Variants in TRAPPC2L observed in about 807,000 individuals in gnomAD.
TRAPPC2L encodes the protein trafficking protein particle complex subunit 2L.
TRAPPC2L carries 17 observed loss-of-function variants against 13.2 expected under a neutral mutation model. The observed-to-expected ratio is 1.29, with a 90% confidence interval of 0.88 to 1.93. The LOEUF (loss-of-function observed/expected upper bound fraction) is 1.93. Ranked by LOEUF, TRAPPC2L falls within the 30% of genes most tolerant of loss-of-function variation. The pLI, the probability that TRAPPC2L is intolerant of heterozygous loss-of-function variation, is 0.00. For synonymous variants in TRAPPC2L, 150 were observed against 98.1 expected (o/e 1.53, Z -3.12); for missense variants, 359 against 252.1 (o/e 1.42, Z -2.87).
At chr16:88,859,347 A>G in intron 2 of TRAPPC2L, 1 of 679,360 alleles carries the variant, frequency 1.5e-6, no homozygotes, top group Admixed American at 2.0e-5. Flanking sequence ...TTTTGCAGTT[A>G]ACTTTCCGGG....
In TRAPPC2L at chr16:88,860,340, T is replaced by G. The variant is rs532378704; in HGVS notation, c.*16T>G. 791 of 681,144 alleles carry G rather than the reference T, an allele frequency of 1.2e-3. 14 individuals are homozygous for G. The highest frequency in any genetic ancestry group is 0.011 in the South Asian group (716 of 64,638). The allele number at this position is 681,144 out of a possible 1,614,324, so 42.2% of individuals were successfully genotyped here. ...AGCTACCTGATCTTTTATGTTGAAT[T>G]TGGAACAGTCAGGAACCTGGTTTGC... On this transcript the variant is annotated 3_prime_UTR_variant, in exon 4 of 4. Transcript: ENST00000565504.
upstream of TRAPPC2L, chr16:88,856,902 C>G (rs770145196): frequency 7.3e-6 from 11 of 1,499,374 alleles, no homozygotes; most frequent in African/African-American, 1.0e-4. Context: ...CCGCGGAGCC[C>G]CGGCCAGCGA....
At chr16:88,862,057 G>A (rs921783296) in exon 4 of TRAPPC2L, 2 of 167,334 alleles carry the variant, frequency 1.2e-5, no homozygotes, top group African/African-American at 4.8e-5. Flanking sequence ...GGTGCATGTG[G>A]GCCACAGACC....
chr16:88,861,826 G>A (rs531868901), exon 4 of TRAPPC2L: 90 of 358,396 alleles, frequency 2.5e-4, no homozygotes, highest in African/African-American at 1.7e-3. Context: ...AGCAGGAAAG[G>A]CTGTAAGGGG....
At chr16:88,861,908 A>G (rs1215503934) in exon 4 of TRAPPC2L, 1 of 273,992 alleles carries the variant, frequency 3.6e-6, no homozygotes, top group Non-Finnish European at 7.4e-6. Context: ...CCCATCTAGC[A>G]AGCACAGTGT....
intron 1 of TRAPPC2L, chr16:88,857,542 G>A (rs893003325): frequency 2.6e-5 from 8 of 305,442 alleles, no homozygotes; most frequent in Non-Finnish European, 4.9e-5. Context: ...GGCGGCCCCG[G>A]CCCTCCTGCC....
exon 4 of TRAPPC2L, chr16:88,860,893 T>C: frequency 6.3e-7 from 1 of 1,583,402 alleles, no homozygotes; most frequent in South Asian, 1.2e-5. Flanking sequence ...CTCCTCTGAG[T>C]GGGTCTGTTT....
exon 2 of TRAPPC2L, chr16:88,858,681 G>A: frequency 3.1e-6 from 5 of 1,613,574 alleles, no homozygotes; most frequent in Non-Finnish European, 4.2e-6. Context: ...ACTACATGGT[G>A]CACACATCTC....
chr16:88,859,611 CCT>C, intron 2 of TRAPPC2L, 50 bp from the exon 3 acceptor site: 1 of 1,546,184 alleles, frequency 6.5e-7, no homozygotes, highest in Non-Finnish European at 8.9e-7. Flanking sequence ...CACAGAGGGC[CCT>C]CCACCGGCAG....
At chr16:88,856,841 G>A (rs750299900), upstream of TRAPPC2L, 1 of 1,518,554 alleles carries the variant, frequency 6.6e-7, no homozygotes, top group Non-Finnish European at 8.8e-7. Context: ...ACCAGCAACA[G>A]CTGCCACCAC....
chr16:88,859,140 T>G, intron 2 of TRAPPC2L: 1 of 432,612 alleles, frequency 2.3e-6, no homozygotes. Context: ...GTTTCATTTA[T>G]TTCATTAGGC....
chr16:88,860,409 T>A (rs548937206), exon 4 of TRAPPC2L: 3 of 607,980 alleles, frequency 4.9e-6, no homozygotes, highest in South Asian at 3.9e-5. Flanking sequence ...ATTTAACTTT[T>A]GAACATCATG....
At chr16:88,859,522 A>G (rs1043624310) in intron 2 of TRAPPC2L, 141 bp from the exon 3 acceptor site, 1 of 840,006 alleles carries the variant, frequency 1.2e-6, no homozygotes. Context: ...GCTTGTACCC[A>G]GCACGGCCAC....
At chr16:88,860,656 C>A in exon 4 of TRAPPC2L, 1 of 598,760 alleles carries the variant, frequency 1.7e-6, no homozygotes, top group Non-Finnish European at 3.0e-6. Flanking sequence ...CACCACCGCT[C>A]TGCCTGCCCA....
intron 2 of TRAPPC2L, chr16:88,859,087 G>C (rs1057084548): frequency 8.4e-5 from 40 of 475,556 alleles, no homozygotes; most frequent in African/African-American, 7.6e-4. Context: ...ATTTCTTTCT[G>C]TGCTTTTCAG....
upstream of TRAPPC2L, chr16:88,856,786 G>A (rs771296544): frequency 2.6e-6 from 4 of 1,543,384 alleles, no homozygotes; most frequent in South Asian, 3.6e-5. Context: ...CAGGATGTTG[G>A]GGGGCTGCGG....
At chr16:88,859,519 C>T in intron 2 of TRAPPC2L, 144 bp from the exon 3 acceptor site, 2 of 827,130 alleles carry the variant, frequency 2.4e-6, no homozygotes, top group South Asian at 1.3e-5. Flanking sequence ...TAGGCTTGTA[C>T]CCAGCACGGC....
At chr16:88,858,146 T>C (rs1483300821) in intron 1 of TRAPPC2L, among the ~76,000 whole-genome samples, 1 of 152,250 alleles carries the variant, frequency 6.6e-6, no homozygotes, top group Non-Finnish European at 1.5e-5. Flanking sequence ...AATTCTGGGC[T>C]TCCAATGGTC....
At chr16:88,858,934 G>A in intron 2 of TRAPPC2L, 143 bp downstream of exon 2, 1 of 811,500 alleles carries the variant, frequency 1.2e-6, no homozygotes, top group Non-Finnish European at 1.9e-6. Flanking sequence ...TGAGGTGAAT[G>A]AAGGCCTGTA....
Sources: gnomAD v4.1 joint callset for allele counts (sites outside exome capture counted in the v4.1 genomes callset) on GRCh38, gnomAD v4.1.1 for gene constraint, MANE v1.5 for transcripts, NCBI Gene and HGNC (gene_info 2026-07-23, HGNC 2026-07-21) for gene names.